DMD: variants seen among roughly 807,000 people sequenced by gnomAD.
The protein encoded by DMD is mutant dystrophin.
In DMD, 63 loss-of-function variants were observed where a neutral mutation model predicts 330.1. The ratio of observed to expected loss-of-function variants is 0.19; its 90% CI spans 0.16 to 0.24. DMD has a LOEUF of 0.24. Among genes scored for constraint, DMD ranks in the 10% least tolerant of loss-of-function variants. DMD has a pLI of 1.00. For synonymous variants in DMD, 1,223 were observed against 959.8 expected (o/e 1.27, Z -5.07); for missense variants, 3,344 against 2,684.1 (o/e 1.25, Z -5.43).
intron 44 of DMD, among the ~76,000 whole-genome samples, chrX:32,071,470 G>C (rs1198891360): frequency 1.1e-5 from 1 of 90,279 alleles, no homozygotes; most frequent in Non-Finnish European, 2.1e-5. Flanking sequence ...AGAACACATG[G>C]ACACAGGAAG....
At chrX:32,879,336 A>G (rs548267093) in intron 2 of DMD, among the ~76,000 whole-genome samples, 7 of 111,735 alleles carry the variant, frequency 6.3e-5, no homozygotes, top group Admixed American at 2.9e-4. Context: ...CACCATTTAC[A>G]TATGGCACAT....
chrX:32,757,568 C>T lies in DMD; in HGVS notation c.649+51925G>A, dbSNP rs2071659506. 2.7e-5 allele frequency among the ~76,000 whole-genome samples: 3 copies of T among 110,518 alleles called. 1 individual carries two copies. The highest frequency in any genetic ancestry group is 6.6e-5 in the African/African-American group (2 of 30,300). On this transcript the variant is annotated intron_variant, in intron 7 of 78. Transcript: ENST00000357033. ...CGGCAGGTCTTTCCCATGCTGTTCT[C>T]GTGATAGTGAATACGTCTCACGAGA...
At chrX:33,120,487 A>C (rs946282741) in intron 1 of DMD, among the ~76,000 whole-genome samples, 2 of 111,612 alleles carry the variant, frequency 1.8e-5, no homozygotes. Context: ...AAGATACTGC[A>C]TGGAACTCGG....
At chrX:31,414,386 G>A (rs1227059243) in intron 60 of DMD, among the ~76,000 whole-genome samples, 2 of 111,810 alleles carry the variant, frequency 1.8e-5, no homozygotes, top group Non-Finnish European at 3.8e-5. Flanking sequence ...AACATATGGG[G>A]GGAAAAATTA....
At chrX:32,857,692 CA>C (rs978566915) in intron 2 of DMD, among the ~76,000 whole-genome samples, 2 of 111,261 alleles carry the variant, frequency 1.8e-5, no homozygotes, top group Non-Finnish European at 3.8e-5. Context: ...GCTGTTTATT[CA>C]AAAAGAGGAG....
intron 48 of DMD, among the ~76,000 whole-genome samples, 192 bp from the exon 49 acceptor site, chrX:31,837,011 T>A (rs367715372): frequency 8.9e-6 from 1 of 111,807 alleles, no homozygotes; most frequent in African/African-American, 3.2e-5. Flanking sequence ...TTAAAAAAAA[T>A]TCATCCAATA....
At chrX:32,322,915 T>C (rs1383867817) in intron 41 of DMD, among the ~76,000 whole-genome samples, 1 of 112,025 alleles carries the variant, frequency 8.9e-6, no homozygotes, top group South Asian at 3.7e-4. Flanking sequence ...ATTTCGAAAA[T>C]GCAAGGTTTA....
At chrX:31,573,217 A>G (rs6527104) in intron 55 of DMD, among the ~76,000 whole-genome samples, 3,819 of 111,694 alleles carry the variant, frequency 0.034, 118 homozygotes, top group East Asian at 0.13. Flanking sequence ...TTTAGTATTT[A>G]TATTTATTTT....
chrX:31,477,482 A>AT (rs978641465), intron 59 of DMD, among the ~76,000 whole-genome samples: 2 of 111,426 alleles, frequency 1.8e-5, no homozygotes, highest in African/African-American at 3.3e-5. Context: ...CTAAATATGT[A>AT]TTTTTTTCTA....
chrX:32,776,860 TAAAC>T (rs1241695736), intron 7 of DMD, among the ~76,000 whole-genome samples: 3 of 112,070 alleles, frequency 2.7e-5, no homozygotes, highest in Non-Finnish European at 5.6e-5. Flanking sequence ...CTTAATTAAT[TAAAC>T]AAACTCATCC....
chrX:32,892,448 C>T (rs1366210990), intron 2 of DMD, among the ~76,000 whole-genome samples: 2 of 112,124 alleles, frequency 1.8e-5, no homozygotes, highest in African/African-American at 6.5e-5. Flanking sequence ...GGCTGGAGCG[C>T]AACGGTGCGA....
chrX:32,326,742 T>TA lies in DMD; in HGVS notation c.5922+15357dup, dbSNP rs200626469. Reference sequence around the variant, plus strand: ...CAACATGGTGAAACCCTGTCTGTACTAAAAAAATAAAAAAATTAGCCAGGC... The same window carrying TA: ...CAACATGGTGAAACCCTGTCTGTACTAAAAAAAATAAAAAAATTAGCCAGGC... On this transcript the variant is annotated intron_variant, in intron 41 of 78. Coordinates refer to ENST00000357033, the MANE Select transcript of DMD (RefSeq NM_004006.3). Among the ~76,000 whole-genome samples the TA allele has an allele frequency of 3.0e-3, 324 of 109,274 alleles. 11 individuals are homozygous for TA. In the East Asian group the frequency reaches 0.08, roughly 27 times the overall value. The allele number at this position is 109,274 out of a possible 115,157, so 94.9% of individuals were successfully genotyped here. A position where few individuals can be genotyped will look rare whatever the true frequency, so the allele number is the denominator to read the frequency against.
intron 2 of DMD, among the ~76,000 whole-genome samples, chrX:33,015,165 G>T (rs947776781): frequency 3.6e-5 from 4 of 109,996 alleles, no homozygotes; most frequent in Non-Finnish European, 7.5e-5. Context: ...CCATTACTGG[G>T]CATGTACCCA....
In DMD at chrX:32,417,822, TACAC is replaced by T. The variant is rs397933423; in HGVS notation, c.4072-5913_4072-5910del. 6.6e-3 allele frequency among the ~76,000 whole-genome samples: 693 copies of T among 105,343 alleles called. 5 individuals are homozygous for T. Among genetic ancestry groups the T allele is most frequent in the African/African-American group, 0.023 (650 of 28,805 alleles). The allele number at this position is 105,343 out of a possible 115,157, so 91.5% of individuals were successfully genotyped here. The stretch of plus-strand genomic sequence containing the variant: ...ATAAACCCGAACTTTGTATCTCTGT[TACAC>T]ACACACACACACACACACAAATCAT... On this transcript the variant is annotated intron_variant, in intron 29 of 78. Transcript: ENST00000357033.
At chrX:31,292,977 G>A (rs1295778683) in intron 62 of DMD, among the ~76,000 whole-genome samples, 3 of 110,887 alleles carry the variant, frequency 2.7e-5, no homozygotes, top group Non-Finnish European at 5.7e-5. Flanking sequence ...GAGGGAATGT[G>A]GGTGAGGTAG....
At chrX:33,261,383 C>G (rs2052952748) in intron 1 of DMD, among the ~76,000 whole-genome samples, 1 of 110,491 alleles carries the variant, frequency 9.1e-6, no homozygotes, top group Admixed American at 9.7e-5. Flanking sequence ...ATATCAGACA[C>G]AGTAGCTGCA....
At chrX:32,972,492 T>A (rs2092417730) in intron 2 of DMD, among the ~76,000 whole-genome samples, 1 of 112,133 alleles carries the variant, frequency 8.9e-6, no homozygotes, top group Non-Finnish European at 1.9e-5. Context: ...AAAAAATTGT[T>A]ATTGATGTCA....
chrX:32,184,134 A>C (rs1355949230), intron 44 of DMD, among the ~76,000 whole-genome samples: 1 of 106,858 alleles, frequency 9.4e-6, no homozygotes. Context: ...CACCTAGTAT[A>C]CTTTTCTTAA....
intron 50 of DMD, among the ~76,000 whole-genome samples, chrX:31,801,148 A>C (rs762421478): frequency 9.0e-6 from 1 of 111,698 alleles, no homozygotes; most frequent in South Asian, 3.7e-4. Context: ...TTTATAAAGA[A>C]AAGAGGTTTA....
Sources: gnomAD v4.1 joint callset for allele counts (sites outside exome capture counted in the v4.1 genomes callset) on GRCh38, gnomAD v4.1.1 for gene constraint, MANE v1.5 for transcripts, NCBI Gene and HGNC (gene_info 2026-07-23, HGNC 2026-07-21) for gene names.